The following PCDH15 variants were observed in gnomAD, a reference collection of about 807,000 sequenced individuals.
The protein encoded by PCDH15 is protocadherin-15.
PCDH15 carries 129 observed loss-of-function variants against 178.5 expected under a neutral mutation model. That is an observed-to-expected ratio of 0.72 (90% CI 0.63 to 0.84). The LOEUF is 0.84. PCDH15 is among the 40% of genes least tolerant of loss of function. PCDH15 has a pLI of 0.00. For synonymous variants in PCDH15, 800 were observed against 732.0 expected (o/e 1.09, Z -1.50); for missense variants, 2,230 against 2,099.9 (o/e 1.06, Z -1.21).
intron 1 of PCDH15, among the ~76,000 whole-genome samples, chr10:54,685,664 C>A (rs752420851): frequency 3.3e-5 from 5 of 152,112 alleles, no homozygotes; most frequent in Admixed American, 6.6e-5. Flanking sequence ...TCATTGAAGT[C>A]AAAAATATTG....
upstream of PCDH15, chr10:55,319,617 G>A (rs762932272): frequency 6.6e-6 from 1 of 152,138 alleles, no homozygotes; most frequent in African/African-American, 2.4e-5. Flanking sequence ...CCTGCATAGG[G>A]TTATCGCAAA....
chr10:55,254,609 T>C (rs1461486478), intron 1 of PCDH15, among the ~76,000 whole-genome samples: 1 of 152,188 alleles, frequency 6.6e-6, no homozygotes, highest in Non-Finnish European at 1.5e-5. Flanking sequence ...ATTGCCTTTC[T>C]CAAGGAACCT....
intron 2 of PCDH15, among the ~76,000 whole-genome samples, chr10:55,109,116 C>CTA (rs1837431046): frequency 1.3e-5 from 2 of 152,214 alleles, no homozygotes; most frequent in Admixed American, 1.3e-4. Flanking sequence ...CAACTTTATG[C>CTA]CCAGTGAGTG....
intron 3 of PCDH15, among the ~76,000 whole-genome samples, chr10:54,853,289 G>GTATATATATATATATA (rs71014423): frequency 3.8e-4 from 39 of 102,512 alleles, no homozygotes; most frequent in South Asian, 7.4e-4. Context: ...ATGTATGTGT[G>GTATATATATATATATA]TATATATATA....
chr10:54,370,429 C>T (rs1024134217), intron 4 of PCDH15, among the ~76,000 whole-genome samples: 9 of 151,812 alleles, frequency 5.9e-5, no homozygotes, highest in Admixed American at 4.6e-4. Flanking sequence ...GTTTGTCTGC[C>T]TTCACTAGAC....
At chr10:55,481,671 T>C (rs1320198872) in intron 2 of PCDH15, among the ~76,000 whole-genome samples, 1 of 151,896 alleles carries the variant, frequency 6.6e-6, no homozygotes, top group African/African-American at 2.4e-5. Flanking sequence ...ACTTGAGTTT[T>C]AATATGATTC....
chr10:55,379,054 A>G lies in PCDH15; in HGVS notation c.-155-212403T>C, dbSNP rs572635600. 7.9e-5 allele frequency among the ~76,000 whole-genome samples: 12 copies of G among 152,162 alleles called. No homozygotes were observed. In the South Asian group the frequency reaches 2.3e-3, roughly 29 times the overall value. Reference sequence around the variant, plus strand: ...CATTTTGGGAAGAGAGTCACTTGAAATTATTTCTAAAACAAACTTGTAATG... The same window carrying G: ...CATTTTGGGAAGAGAGTCACTTGAAGTTATTTCTAAAACAAACTTGTAATG... On this transcript the variant is annotated intron_variant, in intron 2 of 5. Coordinates refer to the PCDH15 transcript ENST00000613346.
chr10:54,862,148 A>G (rs773935399), intron 3 of PCDH15, among the ~76,000 whole-genome samples: 3 of 152,186 alleles, frequency 2.0e-5, no homozygotes, highest in Non-Finnish European at 2.9e-5. Context: ...TATACAATGC[A>G]TACCTTTTTG....
At chr10:54,237,154 C>T (rs2054716553) in intron 8 of PCDH15, among the ~76,000 whole-genome samples, 1 of 152,066 alleles carries the variant, frequency 6.6e-6, no homozygotes, top group South Asian at 2.1e-4. Context: ...TGCACATAGA[C>T]ATTTATATCA....
chr10:54,154,428 A>C (rs902965678), intron 13 of PCDH15, among the ~76,000 whole-genome samples: 13 of 152,166 alleles, frequency 8.5e-5, no homozygotes, highest in Admixed American at 7.9e-4. Context: ...TCAATACATT[A>C]CTTCTAAAAA....
intron 13 of PCDH15, among the ~76,000 whole-genome samples, chr10:54,169,051 T>C (rs1343988981): frequency 3.3e-5 from 5 of 152,254 alleles, no homozygotes; most frequent in East Asian, 1.9e-4. Context: ...ATCTGGCCAC[T>C]GGGCCAAGGA....
chr10:55,319,831 G>A (rs549846657), upstream of PCDH15, among the ~76,000 whole-genome samples: 2 of 152,258 alleles, frequency 1.3e-5, no homozygotes, highest in East Asian at 3.9e-4. Context: ...AGAGGGTTTG[G>A]TGTGGGAGCA....
At chr10:54,354,173 C>A (rs1225139852) in intron 5 of PCDH15, among the ~76,000 whole-genome samples, 1 of 152,008 alleles carries the variant, frequency 6.6e-6, no homozygotes, top group Admixed American at 6.6e-5. Flanking sequence ...TTAGTAGAGA[C>A]GTGGTTTCTC....
intron 2 of PCDH15, among the ~76,000 whole-genome samples, chr10:55,519,431 G>A (rs2132161902): frequency 6.6e-6 from 1 of 152,106 alleles, no homozygotes; most frequent in South Asian, 2.1e-4. Context: ...TGGAACGGAA[G>A]TAAGTGTGGT....
intron 2 of PCDH15, among the ~76,000 whole-genome samples, chr10:55,347,949 T>C (rs1900481): frequency 0.55 from 83,551 of 151,760 alleles, 23,558 homozygotes; most frequent in African/African-American, 0.66. Context: ...TCTTATATCA[T>C]ACAATTGAAT....
intron 2 of PCDH15, among the ~76,000 whole-genome samples, chr10:55,081,991 C>T (rs1009123053): frequency 2.0e-5 from 3 of 151,894 alleles, no homozygotes; most frequent in African/African-American, 4.8e-5. Context: ...ACTTCAACAC[C>T]CCCACTTTTA....
chr10:54,995,770 A>T (rs1361882468), intron 2 of PCDH15, among the ~76,000 whole-genome samples: 1 of 151,940 alleles, frequency 6.6e-6, no homozygotes, highest in African/African-American at 2.4e-5. Flanking sequence ...TTAACAGGTT[A>T]CTGCATCTGG....
At chr10:53,827,619 T>C in intron 31 of PCDH15, 71 bp from the exon 32 acceptor site, 2 of 1,566,496 alleles carry the variant, frequency 1.3e-6, no homozygotes, top group Non-Finnish European at 1.8e-6. Context: ...AGCCACCTTT[T>C]AATAATGGGG....
At chr10:54,499,046 C>T (rs2080391738) in intron 3 of PCDH15, among the ~76,000 whole-genome samples, 1 of 152,118 alleles carries the variant, frequency 6.6e-6, no homozygotes, top group Non-Finnish European at 1.5e-5. Flanking sequence ...TCACCTTCCA[C>T]CAGGCCCCTC....
Sources: gnomAD v4.1 joint callset for allele counts (sites outside exome capture counted in the v4.1 genomes callset) on GRCh38, gnomAD v4.1.1 for gene constraint, MANE v1.5 for transcripts, NCBI Gene and HGNC (gene_info 2026-07-23, HGNC 2026-07-21) for gene names.